The following SIM2 variants were observed in gnomAD, a reference collection of about 807,000 sequenced individuals.
SIM2 encodes the protein SIM bHLH transcription factor 2.
Under a neutral mutation model 64.8 loss-of-function variants are expected in SIM2, and 28 were observed. The ratio of observed to expected loss-of-function variants is 0.43; its 90% confidence interval spans 0.32 to 0.59. The LOEUF is 0.59. Among genes scored for constraint, SIM2 ranks in the 20% least tolerant of loss-of-function variants. The probability of loss-of-function intolerance (pLI) is 0.07; values close to 1 mark genes in which losing one functional copy is unlikely to be tolerated. For missense variants in SIM2, 847 were observed against 871.4 expected, an observed-to-expected ratio of 0.97 and a Z score of 0.35; for synonymous variants, 408 against 391.1, an observed-to-expected ratio of 1.04 and a Z score of -0.51.
At chr21:36,724,086 G>A (rs1003672410) in intron 5 of SIM2, among the ~76,000 whole-genome samples, 41 of 152,350 alleles carry the variant, frequency 2.7e-4, no homozygotes, top group African/African-American at 8.2e-4. Flanking sequence ...GGGCACTTTT[G>A]TGCCTTTGTC....
At chr21:36,723,989 C>G (rs931629906) in intron 5 of SIM2, among the ~76,000 whole-genome samples, 4 of 152,208 alleles carry the variant, frequency 2.6e-5, no homozygotes, top group Non-Finnish European at 4.4e-5. Flanking sequence ...CATAACCCAT[C>G]AATATGAGGC....
Position 36,726,352 on chromosome 21 carries a change from T to C in SIM2, c.743+34T>C, listed in dbSNP as rs775883397. 1 of 1,579,898 alleles carries C rather than the reference T, an allele frequency of 6.3e-7. No individual in the cohort carries two copies. Among genetic ancestry groups the C allele is most frequent in the Non-Finnish European group, 8.7e-7 (1 of 1,155,474 alleles). ...GGCACCTGCCACAGTGGCTGTGGCC[T>C]TCTGGAAGACACCGGTGGTGGAAAT... On this transcript the variant is annotated intron_variant, in intron 6 of 10. Transcript: ENST00000290399. This position sits in a 1 kb window ranked among gnomAD's most constrained non-coding sequence, Gnocchi z 4.5.
rs2089299667 is a variant in SIM2 at position 36,749,447 on chromosome 21, ACTTT to A, written c.*1356_*1359del. ...CCAACTGCTCTCAAAATGTGAACTG[ACTTT>A]TTTTTTTTTTTTTTTGCCAACCCTG... is the stretch of plus-strand genomic sequence containing the variant. On this transcript the variant is annotated 3_prime_UTR_variant, in exon 11 of 11. Coordinates refer to ENST00000290399, the MANE Select transcript of SIM2 (RefSeq NM_005069.6). The A allele has an allele frequency of 1.4e-5, 1 of 70,050 alleles. No homozygotes were observed. Among genetic ancestry groups the A allele is most frequent in the African/African-American group, 8.2e-5 (1 of 12,176 alleles). The allele number at this position is 70,050 out of a possible 1,614,324, so 4.3% of individuals were successfully genotyped here. A position where few individuals can be genotyped will look rare whatever the true frequency, so the allele number is the denominator to read the frequency against.
intron 7 of SIM2, among the ~76,000 whole-genome samples, chr21:36,731,475 G>T (rs552932920): frequency 6.6e-6 from 1 of 152,336 alleles, no homozygotes; most frequent in African/African-American, 2.4e-5. Context: ...GTGGAAGACT[G>T]CTAGTTATGG....
intron 3 of SIM2, among the ~76,000 whole-genome samples, chr21:36,714,273 A>G (rs1468170827): frequency 1.3e-5 from 2 of 152,182 alleles, no homozygotes; most frequent in Non-Finnish European, 2.9e-5. Flanking sequence ...AATGTCACAA[A>G]CACAACAAAA....
chr21:36,740,463 T>C (rs985565427), intron 7 of SIM2, among the ~76,000 whole-genome samples: 1 of 152,230 alleles, frequency 6.6e-6, no homozygotes, highest in Non-Finnish European at 1.5e-5. Flanking sequence ...TTTGCCTATA[T>C]TGCTTTTAGG....
At chr21:36,742,837 T>C (rs1469005947) in intron 8 of SIM2, among the ~76,000 whole-genome samples, 2 of 152,232 alleles carry the variant, frequency 1.3e-5, no homozygotes, top group Non-Finnish European at 1.5e-5. Flanking sequence ...TTAGTTATTC[T>C]TCCTGAGCAA....
chr21:36,730,373 C>T (rs975519978), intron 6 of SIM2, among the ~76,000 whole-genome samples: 60 of 152,244 alleles, frequency 3.9e-4, no homozygotes, highest in African/African-American at 1.4e-3. Context: ...AGAAGCCACA[C>T]ACCAAAGGCC....
intron 1 of SIM2, chr21:36,701,613 T>C: frequency 6.6e-6 from 1 of 152,446 alleles, no homozygotes; most frequent in Non-Finnish European, 1.5e-5. Flanking sequence ...CAGGGCAGGT[T>C]CCTCCCTTTC....
intron 1 of SIM2, among the ~76,000 whole-genome samples, chr21:36,702,938 G>GAAAAA (rs2088523907): frequency 3.5e-5 from 1 of 28,378 alleles, no homozygotes. Context: ...GACTCTGGGA[G>GAAAAA]GAAGAAAAAA....
At chr21:36,715,332 G>A (rs2088732649) in intron 3 of SIM2, among the ~76,000 whole-genome samples, 3 of 152,154 alleles carry the variant, frequency 2.0e-5, no homozygotes, top group African/African-American at 7.2e-5. Flanking sequence ...GTATTGAATA[G>A]GATGTCAAAT....
intron 7 of SIM2, among the ~76,000 whole-genome samples, chr21:36,740,016 A>T (rs2089137730): frequency 2.6e-5 from 1 of 38,098 alleles, no homozygotes; most frequent in African/African-American, 4.4e-5. Flanking sequence ...AGAGAGAAAG[A>T]AAGAAAGAAA....
At chr21:36,738,162 T>C (rs2123491320) in intron 7 of SIM2, among the ~76,000 whole-genome samples, 1 of 151,950 alleles carries the variant, frequency 6.6e-6, no homozygotes, top group African/African-American at 2.4e-5. Flanking sequence ...AAGTCTCCCT[T>C]AAAAGGTGAG....
chr21:36,718,291 A>C (rs183204841), intron 3 of SIM2, among the ~76,000 whole-genome samples: 1 of 152,210 alleles, frequency 6.6e-6, no homozygotes, highest in Non-Finnish European at 1.5e-5. Flanking sequence ...CTGATGGCCT[A>C]GATGCTAATC....
chr21:36,717,450 C>CTTTTTTTTTTTTT (rs528248816), intron 3 of SIM2, among the ~76,000 whole-genome samples: 3 of 134,794 alleles, frequency 2.2e-5, no homozygotes, highest in Non-Finnish European at 3.2e-5. Context: ...TCTTTCTTTT[C>CTTTTTTTTTTTTT]TTTTTTTTTT....
Position 36,726,930 on chromosome 21 carries a change from G to A in SIM2, c.743+612G>A, listed in dbSNP as rs995100485. On this transcript the variant is annotated intron_variant, in intron 6 of 10. Transcript: ENST00000290399. This position sits in a 1 kb window ranked among gnomAD's most constrained non-coding sequence, Gnocchi z 4.5. ...TTGGGGAGTACCTCTCTCCAGACCC[G>A]TGCTGGAGTGGCCTTCACTCTCCCC... 8.5e-5 allele frequency among the ~76,000 whole-genome samples: 13 copies of A among 152,206 alleles called. No homozygotes were observed. Among genetic ancestry groups the A allele is most frequent in the African/African-American group, 2.7e-4 (11 of 41,454 alleles).
At chr21:36,704,208 C>G (rs550520999) in intron 1 of SIM2, among the ~76,000 whole-genome samples, 1 of 152,202 alleles carries the variant, frequency 6.6e-6, no homozygotes, top group Non-Finnish European at 1.5e-5. Flanking sequence ...GAGCACACCA[C>G]GAGAAGCCAG....
chr21:36,725,287 C>T (rs1469374430), intron 5 of SIM2, among the ~76,000 whole-genome samples: 1 of 152,126 alleles, frequency 6.6e-6, no homozygotes, highest in Non-Finnish European at 1.5e-5. Flanking sequence ...GAGGTCAAGG[C>T]TGCAGTGAGC....
intron 9 of SIM2, 79 bp from the exon 10 acceptor site, chr21:36,744,649 G>T: frequency 1.3e-6 from 2 of 1,482,200 alleles, no homozygotes; most frequent in Non-Finnish European, 1.8e-6. Context: ...GGGCCCCGTC[G>T]GGACGGTTCT....
Sources: gnomAD v4.1 joint callset for allele counts (sites outside exome capture counted in the v4.1 genomes callset) on GRCh38, gnomAD v4.1.1 for gene constraint, Gnocchi (gnomAD v3.1) non-coding constraint, MANE v1.5 for transcripts, NCBI Gene and HGNC (gene_info 2026-07-23, HGNC 2026-07-21) for gene names.